Variants in KCTD8 observed in about 807,000 individuals in gnomAD.
The protein encoded by KCTD8 is potassium channel tetramerization domain containing 8.
In KCTD8, 27 loss-of-function variants were observed where a neutral mutation model predicts 31.5. The ratio of observed to expected loss-of-function variants is 0.86; its 90% CI spans 0.63 to 1.18. The LOEUF (loss-of-function observed/expected upper bound fraction) is 1.18, where lower values mean the gene tolerates loss of function less well. Ranked by LOEUF, KCTD8 falls within the 50% of genes most tolerant of loss-of-function variation. KCTD8 has a pLI of 0.00. For synonymous variants in KCTD8, 290 were observed against 280.0 expected, an observed-to-expected ratio of 1.04 and a Z score of -0.36; for missense variants, 658 against 647.7, an observed-to-expected ratio of 1.02 and a Z score of -0.17.
chr4:44,415,426 C>G (rs1344255444), intron 1 of KCTD8, among the ~76,000 whole-genome samples: 1 of 152,078 alleles, frequency 6.6e-6, no homozygotes, highest in Non-Finnish European at 1.5e-5. Context: ...AAAAGGGAAC[C>G]TGGTGCTAAT....
chr4:44,264,633 C>T (rs1025029320), intron 1 of KCTD8, among the ~76,000 whole-genome samples: 2 of 152,136 alleles, frequency 1.3e-5, no homozygotes, highest in Admixed American at 1.3e-4. Context: ...CTTTCCTGGT[C>T]AAGGAAAGGG....
intron 1 of KCTD8, among the ~76,000 whole-genome samples, chr4:44,404,474 A>G (rs1192804375): frequency 2.0e-5 from 3 of 152,206 alleles, no homozygotes; most frequent in Non-Finnish European, 4.4e-5. Flanking sequence ...ACAACTAAAT[A>G]TGACATTTTA....
intron 1 of KCTD8, among the ~76,000 whole-genome samples, chr4:44,330,138 TA>T (rs898610311): frequency 3.3e-5 from 5 of 152,000 alleles, no homozygotes; most frequent in Non-Finnish European, 5.9e-5. Context: ...CATTTCAGGT[TA>T]GATACGTTTG....
chr4:44,236,993 C>T (rs1162066223), intron 1 of KCTD8, among the ~76,000 whole-genome samples: 1 of 152,178 alleles, frequency 6.6e-6, no homozygotes, highest in Non-Finnish European at 1.5e-5. Context: ...ATTGTGAGGC[C>T]TCCCAAGCCA....
At chr4:44,283,029 TTATTATTATTATTATTA>T (rs1716944092) in intron 1 of KCTD8, among the ~76,000 whole-genome samples, 2 of 8,642 alleles carry the variant, frequency 2.3e-4, no homozygotes, top group Non-Finnish European at 5.5e-4. Context: ...ACACATTTTA[TTATTATTATTATTATTA>T]TTATTATTAT....
At chr4:44,293,742 T>C (rs1289363952) in intron 1 of KCTD8, 1 of 437,500 alleles carries the variant, frequency 2.3e-6, no homozygotes, top group African/African-American at 2.0e-5. Context: ...ATGGAAAAAG[T>C]TGTTGAAAAT....
chr4:44,181,459 G>T (rs1713397875), intron 1 of KCTD8, among the ~76,000 whole-genome samples: 1 of 152,216 alleles, frequency 6.6e-6, no homozygotes, highest in Admixed American at 6.5e-5. Flanking sequence ...TGTTGGCTGG[G>T]CTGGTCTCCA....
chr4:44,381,168 T>C (rs139440807), intron 1 of KCTD8, among the ~76,000 whole-genome samples: 5 of 152,176 alleles, frequency 3.3e-5, no homozygotes, highest in African/African-American at 4.8e-5. Flanking sequence ...TTAACTCATA[T>C]ACTAATGTAT....
chr4:44,374,101 C>T (rs1238415607), intron 1 of KCTD8, among the ~76,000 whole-genome samples: 1 of 152,114 alleles, frequency 6.6e-6, no homozygotes, highest in Non-Finnish European at 1.5e-5. Flanking sequence ...AGGCAATGGC[C>T]AATATTCTTT....
intron 1 of KCTD8, among the ~76,000 whole-genome samples, chr4:44,431,153 T>C (rs1721493479): frequency 6.6e-6 from 1 of 151,700 alleles, no homozygotes; most frequent in African/African-American, 2.4e-5. Flanking sequence ...ATTTTTAAAA[T>C]TTGTTTTAGT....
chr4:44,175,062 G>T lies in KCTD8; in HGVS notation c.1150C>A (p.Pro384Thr), dbSNP rs982392187. Residue 384 changes from proline to threonine, a missense_variant, in exon 2 of 2, where the codon CCT (proline) becomes ACT (threonine). Physicochemically the swap from Pro to Thr is conservative, Grantham distance 38 (BLOSUM62 -1). Transcript: ENST00000360029. ...SSAQQATAHQPNTLTLDRPSK... is the reference protein window; with the variant it reads ...SSAQQATAHQTNTLTLDRPSK... ...GGGCGATCCAATGTTAAAGTGTTAG[G>T]TTGGTGAGCTGTTGCCTGCTGGGCA... 1.9e-6 allele frequency: 3 copies of T among 1,613,934 alleles called. No individual in the cohort carries two copies. Among genetic ancestry groups the T allele is most frequent in the Admixed American group, 1.7e-5 (1 of 59,984 alleles).
intron 1 of KCTD8, among the ~76,000 whole-genome samples, chr4:44,230,987 T>C (rs1304552819): frequency 6.6e-6 from 1 of 152,166 alleles, no homozygotes; most frequent in Non-Finnish European, 1.5e-5. Context: ...AAAAAATCGA[T>C]TTCGCTGGCA....
chr4:44,230,340 A>G (rs1175969752), intron 1 of KCTD8, among the ~76,000 whole-genome samples: 1 of 152,264 alleles, frequency 6.6e-6, no homozygotes, highest in Non-Finnish European at 1.5e-5. Flanking sequence ...ATAGCTAAAG[A>G]AACTATGTAA....
At chr4:44,389,591 G>T (rs1027025096) in intron 1 of KCTD8, among the ~76,000 whole-genome samples, 1 of 151,636 alleles carries the variant, frequency 6.6e-6, no homozygotes, top group Non-Finnish European at 1.5e-5. Context: ...TGGGGGTGGG[G>T]GTGTGGAATG....
intron 1 of KCTD8, among the ~76,000 whole-genome samples, chr4:44,359,046 T>C (rs1348774153): frequency 6.6e-6 from 1 of 152,216 alleles, no homozygotes; most frequent in African/African-American, 2.4e-5. Flanking sequence ...AAGTTATTTG[T>C]AGATTCTGGA....
At chr4:44,256,690 G>A (rs939094605) in intron 1 of KCTD8, among the ~76,000 whole-genome samples, 2 of 151,998 alleles carry the variant, frequency 1.3e-5, no homozygotes, top group Non-Finnish European at 2.9e-5. Flanking sequence ...CAGGAGGCAG[G>A]AGGAACAGTT....
intron 1 of KCTD8, among the ~76,000 whole-genome samples, chr4:44,427,443 TGTAGATAACACAATGGTCTAAAATAG>T (rs1188094774): frequency 6.6e-6 from 1 of 151,226 alleles, no homozygotes; most frequent in Non-Finnish European, 1.5e-5. Context: ...AAAACTACAA[TGTAGATAACACAATGGTCTAAAATAG>T]AAAAAAATGG....
intron 1 of KCTD8, among the ~76,000 whole-genome samples, chr4:44,255,093 G>C (rs1297264819): frequency 6.6e-6 from 1 of 151,834 alleles, no homozygotes; most frequent in Admixed American, 6.6e-5. Flanking sequence ...TATACTCAGT[G>C]TCCAGGAACA....
chr4:44,272,238 T>C (rs1395599458), intron 1 of KCTD8, among the ~76,000 whole-genome samples: 2 of 150,664 alleles, frequency 1.3e-5, no homozygotes, highest in African/African-American at 2.5e-5. Flanking sequence ...AGTGAATCTA[T>C]AGGGATTCCA....
Sources: gnomAD v4.1 joint callset for allele counts (sites outside exome capture counted in the v4.1 genomes callset) on GRCh38, gnomAD v4.1.1 for gene constraint, MANE v1.5 for transcripts, NCBI Gene and HGNC (gene_info 2026-07-23, HGNC 2026-07-21) for gene names.